TUNAR: variants seen among roughly 807,000 people sequenced by gnomAD.
The protein encoded by TUNAR is transmembrane neural differentiation associated intracellular calcium regulator.
At chr14:95,914,920 G>A (rs750349098) in intron 2 of TUNAR, among the ~76,000 whole-genome samples, 6 of 152,156 alleles carry the variant, frequency 3.9e-5, no homozygotes, top group South Asian at 4.2e-4. Flanking sequence ...TTCAAAAACC[G>A]TGGTGCTCCC....
At chr14:95,905,419 G>C (rs1469445104) in intron 2 of TUNAR, among the ~76,000 whole-genome samples, 2 of 152,156 alleles carry the variant, frequency 1.3e-5, no homozygotes, top group Admixed American at 6.5e-5. Context: ...CTTCAGAAGA[G>C]CACTTGTCAG....
At chr14:95,907,543 A>G (rs1003628086) in intron 2 of TUNAR, among the ~76,000 whole-genome samples, 3 of 152,182 alleles carry the variant, frequency 2.0e-5, no homozygotes, top group African/African-American at 2.4e-5. Context: ...CCTTTGCCCA[A>G]GTTCTTGTCC....
At chr14:95,884,414 G>A (rs952997122) in intron 2 of TUNAR, among the ~76,000 whole-genome samples, 1 of 152,182 alleles carries the variant, frequency 6.6e-6, no homozygotes, top group African/African-American at 2.4e-5. Flanking sequence ...CAGGGTGCCA[G>A]CCCTGGTAGG....
chr14:95,906,517 T>C (rs1156954125), intron 2 of TUNAR, among the ~76,000 whole-genome samples: 1 of 152,236 alleles, frequency 6.6e-6, no homozygotes, highest in Non-Finnish European at 1.5e-5. Context: ...TATTAACCCA[T>C]GTCCCCATGA....
At chr14:95,894,662 T>G (rs910032100) in intron 2 of TUNAR, among the ~76,000 whole-genome samples, 1 of 152,162 alleles carries the variant, frequency 6.6e-6, no homozygotes, top group South Asian at 2.1e-4. Context: ...GTCTATAGAT[T>G]GTTGGAATGT....
chr14:95,876,716 G>T (rs1021120566), intron 1 of TUNAR, 116 bp from the exon 1 acceptor site: 3 of 152,228 alleles, frequency 2.0e-5, no homozygotes, highest in African/African-American at 7.2e-5. Flanking sequence ...CTGGGGCTCG[G>T]CGCCCCGCTG....
rs3044246 is a variant in TUNAR at position 95,909,282 on chromosome 14, C to CTTTTT, written c.13-13484_13-13480dup. Among the ~76,000 whole-genome samples, 561 of 125,918 alleles carry CTTTTT rather than the reference C, an allele frequency of 4.5e-3. 10 individuals are homozygous for CTTTTT. The highest frequency in any genetic ancestry group is 0.017 in the African/African-American group (535 of 31,246). The allele number at this position is 125,918 out of a possible 152,430, so 82.6% of individuals were successfully genotyped here. On this transcript the variant is annotated intron_variant, in intron 2 of 2. Transcript: ENST00000678517. ...AACAAGGTTATCCTTGCTGCCATCT[C>CTTTTT]TTTTTTTTTTTTTTTTTTTGAGGTG...
intron 2 of TUNAR, 36 bp downstream of exon 1, chr14:95,877,213 C>T (rs978478093): frequency 6.6e-6 from 1 of 152,346 alleles, no homozygotes; most frequent in Non-Finnish European, 1.5e-5. Context: ...ACAAAGCTCC[C>T]TTCGCAGGGC....
chr14:95,914,952 T>TG lies in TUNAR; in HGVS notation c.13-7828dup, dbSNP rs1889577704. On this transcript the variant is annotated intron_variant, in intron 2 of 2. Transcript: ENST00000678517. ...TCCCTTGCAGAGGATAACAAGGACT[T>TG]GCTTTTGTTTAGTTCCTGGTTATAA... Among the ~76,000 whole-genome samples, 3 of 152,228 alleles carry TG rather than the reference T, an allele frequency of 2.0e-5. No homozygotes were observed. The South Asian group carries it at 6.2e-4, about 32-fold the overall frequency.
chr14:95,876,896 C>G (rs979462873), exon 2 of TUNAR: 16 of 152,284 alleles, frequency 1.1e-4, no homozygotes, highest in Admixed American at 5.9e-4. Context: ...GCATGAGGAG[C>G]CCCCGGGTGC....
At chr14:95,907,496 T>C (rs1889445170) in intron 2 of TUNAR, among the ~76,000 whole-genome samples, 1 of 152,216 alleles carries the variant, frequency 6.6e-6, no homozygotes, top group South Asian at 2.1e-4. Flanking sequence ...CTTTAGAATG[T>C]TGCTTTTCTG....
At chr14:95,907,319 G>C (rs149954515) in intron 2 of TUNAR, among the ~76,000 whole-genome samples, 6 of 152,332 alleles carry the variant, frequency 3.9e-5, no homozygotes, top group African/African-American at 1.4e-4. Flanking sequence ...TCCAAGAAAT[G>C]GAGTTGCACA....
intron 2 of TUNAR, among the ~76,000 whole-genome samples, chr14:95,884,635 C>T (rs1889042353): frequency 6.6e-6 from 1 of 152,202 alleles, no homozygotes; most frequent in Non-Finnish European, 1.5e-5. Context: ...GGCTCTAGAA[C>T]TTTTTTTCGA....
At chr14:95,909,807 A>G (rs1457789882) in intron 2 of TUNAR, among the ~76,000 whole-genome samples, 1 of 152,182 alleles carries the variant, frequency 6.6e-6, no homozygotes, top group East Asian at 1.9e-4. Context: ...GAAAGACCCA[A>G]ATCAAGAGAT....
At chr14:95,922,504 A>G (rs549153592) in intron 2 of TUNAR, among the ~76,000 whole-genome samples, 11 of 151,318 alleles carry the variant, frequency 7.3e-5, no homozygotes, top group African/African-American at 2.7e-4. Context: ...GGAAGGGGGG[A>G]AAACCAGCTC....
chr14:95,887,112 T>G (rs1467520582), intron 2 of TUNAR, among the ~76,000 whole-genome samples: 1 of 152,224 alleles, frequency 6.6e-6, no homozygotes, highest in African/African-American at 2.4e-5. Flanking sequence ...CTAGGGCTCC[T>G]GAAACGCACC....
intron 2 of TUNAR, among the ~76,000 whole-genome samples, chr14:95,915,759 G>A (rs556869236): frequency 2.0e-5 from 3 of 152,180 alleles, no homozygotes; most frequent in South Asian, 2.1e-4. Flanking sequence ...TCCAAGACAC[G>A]CATCCTAATT....
chr14:95,896,606 G>T (rs956387605), intron 2 of TUNAR, among the ~76,000 whole-genome samples: 1 of 152,210 alleles, frequency 6.6e-6, no homozygotes, highest in Admixed American at 6.5e-5. Flanking sequence ...AAAAGTGGAA[G>T]CAGAAAGCCT....
At chr14:95,897,641 G>C (rs1237145066) in intron 2 of TUNAR, among the ~76,000 whole-genome samples, 4 of 152,202 alleles carry the variant, frequency 2.6e-5, no homozygotes, top group African/African-American at 9.7e-5. Context: ...CTAATGCTGG[G>C]TTAACTCATG....
Sources: allele counts gnomAD v4.1 joint callset (sites outside exome capture counted in the v4.1 genomes callset), GRCh38; gene constraint gnomAD v4.1.1; transcripts MANE v1.5; gene names NCBI Gene and HGNC (gene_info 2026-07-23, HGNC 2026-07-21).